The following HERC2 variants were observed in gnomAD, a reference collection of about 807,000 sequenced individuals.
HERC2 encodes the protein E3 ubiquitin-protein ligase HERC2.
HERC2 carries 102 observed loss-of-function variants against 537.7 expected under a neutral mutation model. The observed-to-expected ratio is 0.19, with a 90% CI of 0.16 to 0.22. The LOEUF is 0.22. Among genes scored for constraint, HERC2 ranks in the 10% least tolerant of loss-of-function variants. HERC2 has a pLI of 1.00. For missense variants in HERC2, 4,236 were observed against 6,198.2 expected, an observed-to-expected ratio of 0.68 and a Z score of 10.63; for synonymous variants, 2,224 against 2,466.2, an observed-to-expected ratio of 0.90 and a Z score of 2.91.
rs376369212 is a variant in HERC2, at chr15:28,285,014, G to A, written c.323-4727C>T. On this transcript the variant is annotated intron_variant, in intron 4 of 92. Coordinates refer to ENST00000261609, the MANE Select transcript of HERC2 (RefSeq NM_004667.6). Reference sequence around the variant, plus strand: ...AACTTGGTCAATCCACCATTAAGACGCAGCAATTCAAAACGTGCATACACC... The same window carrying A: ...AACTTGGTCAATCCACCATTAAGACACAGCAATTCAAAACGTGCATACACC... Among the ~76,000 whole-genome samples the A allele has an allele frequency of 1.5e-4, 22 of 147,272 alleles. No individual in the cohort carries two copies. In the East Asian group the frequency reaches 3.4e-3, roughly 23 times the overall value.
chr15:28,321,075 G>C (rs1255471483), intron 2 of HERC2, among the ~76,000 whole-genome samples: 1 of 152,102 alleles, frequency 6.6e-6, no homozygotes, highest in Non-Finnish European at 1.5e-5. Context: ...ATGGTTAGGA[G>C]TGTGGCAGAT....
chr15:28,184,156 G>A lies in HERC2; in HGVS notation c.8826-1644C>T, dbSNP rs556651287. The stretch of plus-strand genomic sequence containing the variant: ...CAGTGAGCTGAGATCATACCATTGC[G>A]ATCCAGCCTGGGCAACAGAGTGAGA... On this transcript the variant is annotated intron_variant, in intron 56 of 92. Coordinates refer to ENST00000261609, the MANE Select transcript of HERC2 (RefSeq NM_004667.6). Among the ~76,000 whole-genome samples the A allele has an allele frequency of 1.4e-3, 218 of 152,048 alleles. 1 individual carries two copies. Among genetic ancestry groups the A allele is most frequent in the African/African-American group, 4.8e-3 (201 of 41,472 alleles).
At chr15:28,309,689 C>A (rs1049621855) in intron 2 of HERC2, among the ~76,000 whole-genome samples, 2 of 151,820 alleles carry the variant, frequency 1.3e-5, no homozygotes, top group African/African-American at 4.8e-5. Flanking sequence ...CGTGCCCTAG[C>A]CAACACCTTG....
At chr15:28,284,031 C>A (rs1212300940) in intron 4 of HERC2, among the ~76,000 whole-genome samples, 1 of 152,040 alleles carries the variant, frequency 6.6e-6, no homozygotes, top group African/African-American at 2.4e-5. Context: ...TACACAGAGC[C>A]TGAAGGTAAT....
rs1223383042 is a variant in HERC2, at chr15:28,122,007, C to T, written c.13189-578G>A. On this transcript the variant is annotated intron_variant, in intron 85 of 92. Transcript: ENST00000261609. The surrounding 1 kb of genome is among the most constrained non-coding windows in gnomAD (Gnocchi z 4.1). ...CACGGGCCAGGGAGCACCGCGGAGC[C>T]AGCCGGACCTTGGATCGCCACTGCC... Among the ~76,000 whole-genome samples, 1 of 148,538 alleles carries T rather than the reference C, an allele frequency of 6.7e-6. No individual in the cohort carries two copies. Among genetic ancestry groups the T allele is most frequent in the Non-Finnish European group, 1.5e-5 (1 of 66,838 alleles).
chr15:28,236,239 T>C (rs1354058386), intron 26 of HERC2, among the ~76,000 whole-genome samples: 2 of 152,146 alleles, frequency 1.3e-5, no homozygotes, highest in Non-Finnish European at 2.9e-5. Flanking sequence ...TTCTACCTGA[T>C]TGAGTCTCAC....
intron 55 of HERC2, among the ~76,000 whole-genome samples, chr15:28,187,017 A>G (rs977223688): frequency 5.3e-5 from 8 of 152,326 alleles, no homozygotes; most frequent in Non-Finnish European, 7.4e-5. Flanking sequence ...TTTAAATAGG[A>G]TAACAGCCTT....
intron 31 of HERC2, 54 bp downstream of exon 31, chr15:28,230,313 G>A: frequency 6.4e-7 from 1 of 1,563,556 alleles, no homozygotes. Flanking sequence ...GGATTCCTGT[G>A]CTACATGCTA....
chr15:28,303,179 G>T (rs146814399), intron 2 of HERC2, among the ~76,000 whole-genome samples: 1 of 152,118 alleles, frequency 6.6e-6, no homozygotes, highest in Admixed American at 6.6e-5. Context: ...TGTGATTTTC[G>T]TATATGGTGA....
chr15:28,257,008 C>A, intron 17 of HERC2, 53 bp downstream of exon 17: 1 of 1,479,902 alleles, frequency 6.8e-7, no homozygotes, highest in Non-Finnish European at 9.4e-7. Flanking sequence ...AACCTTCTTA[C>A]AAATCCCTAA....
chr15:28,129,435 C>A (rs1889863290), intron 83 of HERC2, among the ~76,000 whole-genome samples: 2 of 152,000 alleles, frequency 1.3e-5, no homozygotes, highest in African/African-American at 4.8e-5. Flanking sequence ...CACACAGGCA[C>A]CCCCTGCCTG....
chr15:28,119,353 T>C (rs879264682), intron 86 of HERC2, among the ~76,000 whole-genome samples: 4 of 142,768 alleles, frequency 2.8e-5, no homozygotes, highest in Non-Finnish European at 4.5e-5. Context: ...TGAGCCAAGA[T>C]TGCACCACTG....
chr15:28,251,171 A>G (rs184348384), intron 20 of HERC2, among the ~76,000 whole-genome samples: 24 of 152,318 alleles, frequency 1.6e-4, no homozygotes, highest in Admixed American at 1.3e-3. Context: ...GGCCAGGTGC[A>G]GTGGCTCACA....
rs12904181 is a variant in HERC2 at position 28,236,031 on chromosome 15, G to T, written c.4003+932C>A. The stretch of plus-strand genomic sequence containing the variant: ...AAACACAGTCCTCAAGTAGAATGCT[G>T]TTCCCTGAGAGGACAGCTGATCCAC... On this transcript the variant is annotated intron_variant, in intron 26 of 92. Coordinates refer to ENST00000261609, the MANE Select transcript of HERC2 (RefSeq NM_004667.6). Among the ~76,000 whole-genome samples the T allele has an allele frequency of 5.3e-5, 8 of 152,212 alleles. No homozygotes were observed. In the East Asian group the frequency reaches 7.7e-4, roughly 15 times the overall value.
chr15:28,231,106 G>A (rs771280383), intron 30 of HERC2, among the ~76,000 whole-genome samples: 68 of 152,086 alleles, frequency 4.5e-4, no homozygotes, highest in Non-Finnish European at 7.8e-4. Flanking sequence ...AATTCACTGC[G>A]ATATGTGGAA....
intron 41 of HERC2, 22 bp from the exon 42 acceptor site, chr15:28,213,994 G>T: frequency 6.2e-7 from 1 of 1,610,898 alleles, no homozygotes; most frequent in Non-Finnish European, 8.5e-7. Flanking sequence ...CAAACAGCGA[G>T]CTCGACAGAG....
chr15:28,215,575 A>C (rs1280182564), intron 39 of HERC2, 46 bp downstream of exon 39: 1 of 1,510,038 alleles, frequency 6.6e-7, no homozygotes, highest in Non-Finnish European at 9.1e-7. Context: ...ACTTCAGTAC[A>C]TGGAGGCCTC....
chr15:28,220,434 C>T lies in HERC2; in HGVS notation c.5845+18G>A, dbSNP rs758561920. ...TTTGTGGGCTGCCTTGGACTAAACA[C>T]CTTCCTGAGTCACCCACCAGAGTCA... On this transcript the variant is annotated intron_variant, in intron 37 of 92. Transcript: ENST00000261609. 6.2e-7 allele frequency: 1 copy of T among 1,605,992 alleles called. No individual in the cohort carries two copies. The highest frequency in any genetic ancestry group is 1.1e-5 in the South Asian group (1 of 90,974).
intron 23 of HERC2, among the ~76,000 whole-genome samples, chr15:28,240,625 C>G (rs1903005509): frequency 6.6e-6 from 1 of 151,960 alleles, no homozygotes; most frequent in Non-Finnish European, 1.5e-5. Flanking sequence ...TCTCAAAAAG[C>G]AAGAAAAATA....
Sources: gnomAD v4.1 joint callset for allele counts (sites outside exome capture counted in the v4.1 genomes callset) on GRCh38, gnomAD v4.1.1 for gene constraint, Gnocchi (gnomAD v3.1) non-coding constraint, MANE v1.5 for transcripts, NCBI Gene and HGNC (gene_info 2026-07-23, HGNC 2026-07-21) for gene names.